Variants in STIM1 observed in about 807,000 individuals in gnomAD.
The protein encoded by STIM1 is stromal interaction molecule 1.
In STIM1, 25 loss-of-function variants were observed where a neutral mutation model predicts 74.7. The observed-to-expected ratio is 0.33, with a 90% CI of 0.24 to 0.47. The LOEUF is 0.47. Among genes scored for constraint, STIM1 ranks in the 20% least tolerant of loss-of-function variants. The probability of loss-of-function intolerance (pLI) is 1.00; values close to 1 mark genes in which losing one functional copy is unlikely to be tolerated. For synonymous variants in STIM1, 328 were observed against 348.8 expected (o/e 0.94, Z 0.66); for missense variants, 728 against 920.8 (o/e 0.79, Z 2.71).
intron 2 of STIM1, chr11:3,972,998 C>A: frequency 2.0e-6 from 1 of 507,988 alleles, no homozygotes; most frequent in South Asian, 1.4e-5. Context: ...TCACTGCCAC[C>A]AACAAAGCTG....
intron 1 of STIM1, chr11:3,921,889 A>G (rs551150775): frequency 1.3e-5 from 2 of 152,282 alleles, no homozygotes; most frequent in South Asian, 2.1e-4. Context: ...CCTGACAACA[A>G]TCAGCATGGA....
chr11:3,885,978 C>T (rs1362453497), intron 1 of STIM1, among the ~76,000 whole-genome samples: 1 of 152,168 alleles, frequency 6.6e-6, no homozygotes, highest in South Asian at 2.1e-4. Flanking sequence ...TGATCGTAGG[C>T]AAGGGCCCAT....
intron 1 of STIM1, among the ~76,000 whole-genome samples, chr11:3,933,146 A>G (rs923666230): frequency 6.6e-6 from 1 of 152,334 alleles, no homozygotes; most frequent in East Asian, 1.9e-4. Context: ...TACTGCTTAT[A>G]GACAAAAGTC....
chr11:3,922,579 TC>T (rs2092730765), intron 1 of STIM1: 1 of 153,658 alleles, frequency 6.5e-6, no homozygotes, highest in African/African-American at 2.4e-5. Flanking sequence ...CCTCCTGGGA[TC>T]CCATCTGGAA....
At chr11:3,874,075 G>T in intron 1 of STIM1, among the ~76,000 whole-genome samples, 1 of 152,150 alleles carries the variant, frequency 6.6e-6, no homozygotes, top group Non-Finnish European at 1.5e-5. Flanking sequence ...CTGGGGAGCT[G>T]AGGAGTGGGT....
intron 5 of STIM1, among the ~76,000 whole-genome samples, chr11:4,068,391 G>A (rs566116452): frequency 2.6e-5 from 4 of 152,284 alleles, no homozygotes; most frequent in African/African-American, 9.6e-5. Context: ...AGAATATAAA[G>A]GGGATATTGA....
intron 1 of STIM1, among the ~76,000 whole-genome samples, chr11:3,913,668 T>G (rs2092599486): frequency 6.6e-6 from 1 of 152,204 alleles, no homozygotes; most frequent in Non-Finnish European, 1.5e-5. Context: ...CATTAACCAT[T>G]TCGAATTAAA....
rs1164753269 is a variant in STIM1, at chr11:4,082,365, T to G, written c.1137+14T>G. ...GCCAAGGAGGGGGTGAGAACAGCCC[T>G]TCTATTGTCCTCTTTTCTCCTTTTT... On this transcript the variant is annotated intron_variant, in intron 8 of 12. Transcript: ENST00000526596. 2 of 1,602,842 alleles carry G rather than the reference T, an allele frequency of 1.2e-6. No individual in the cohort carries two copies. Among genetic ancestry groups the G allele is most frequent in the Non-Finnish European group, 1.7e-6 (2 of 1,174,968 alleles).
intron 4 of STIM1, among the ~76,000 whole-genome samples, 162 bp from the exon 5 acceptor site, chr11:4,059,119 A>G (rs2094312264): frequency 6.6e-6 from 1 of 152,180 alleles, no homozygotes; most frequent in African/African-American, 2.4e-5. Context: ...GTCTCTCCAT[A>G]TACCCTGTTG....
At chr11:4,000,503 C>G (rs945445397) in intron 2 of STIM1, among the ~76,000 whole-genome samples, 11 of 152,004 alleles carry the variant, frequency 7.2e-5, no homozygotes, top group African/African-American at 2.7e-4. Flanking sequence ...TAGCAAACTC[C>G]AACAGACCTG....
intron 1 of STIM1, among the ~76,000 whole-genome samples, chr11:3,917,200 T>C (rs2092657282): frequency 6.6e-6 from 1 of 152,100 alleles, no homozygotes; most frequent in Admixed American, 6.6e-5. Flanking sequence ...AAGGCACAGC[T>C]GGCAGGGGTG....
intron 2 of STIM1, among the ~76,000 whole-genome samples, chr11:4,013,968 A>T (rs2093869320): frequency 6.6e-6 from 1 of 151,890 alleles, no homozygotes; most frequent in Non-Finnish European, 1.5e-5. Flanking sequence ...TGGTTTCCCA[A>T]AGTGCTGGGA....
intron 1 of STIM1, among the ~76,000 whole-genome samples, chr11:3,919,050 C>T (rs543085653): frequency 6.6e-6 from 1 of 152,170 alleles, no homozygotes; most frequent in East Asian, 1.9e-4. Context: ...TAAATATTTG[C>T]TTGAGGTGGG....
intron 6 of STIM1, among the ~76,000 whole-genome samples, 177 bp downstream of exon 6, chr11:4,070,380 G>T (rs2094396206): frequency 6.6e-6 from 1 of 152,216 alleles, no homozygotes; most frequent in African/African-American, 2.4e-5. Context: ...TTGCTATTGG[G>T]CAGTTATTCC....
intron 10 of STIM1, among the ~76,000 whole-genome samples, chr11:4,083,881 C>T (rs1042552823): frequency 3.8e-4 from 58 of 152,052 alleles, no homozygotes; most frequent in African/African-American, 1.3e-3. Context: ...GTTCCTTATT[C>T]TTATTGCTAA....
chr11:4,044,600 A>G (rs1018326669), intron 3 of STIM1, among the ~76,000 whole-genome samples: 2 of 152,212 alleles, frequency 1.3e-5, no homozygotes, highest in African/African-American at 4.8e-5. Context: ...CATGCTGCCA[A>G]ACCCTACCTA....
intron 1 of STIM1, among the ~76,000 whole-genome samples, chr11:3,932,282 G>T (rs796792023): frequency 1.6e-4 from 25 of 152,302 alleles, no homozygotes; most frequent in African/African-American, 5.8e-4. Flanking sequence ...AGTTAACAGG[G>T]TTTGGTACAA....
intron 3 of STIM1, among the ~76,000 whole-genome samples, chr11:4,028,746 A>C (rs1262322504): frequency 6.6e-6 from 1 of 152,074 alleles, no homozygotes; most frequent in Non-Finnish European, 1.5e-5. Context: ...CCTCGTTTTT[A>C]TGAATCAAGA....
intron 1 of STIM1, chr11:3,892,761 C>G: frequency 6.2e-7 from 1 of 1,613,274 alleles, no homozygotes; most frequent in Non-Finnish European, 8.5e-7. Flanking sequence ...AATCCTTTCT[C>G]TCCAGTGCTC....
Sources: gnomAD v4.1 joint callset for allele counts (sites outside exome capture counted in the v4.1 genomes callset) on GRCh38, gnomAD v4.1.1 for gene constraint, MANE v1.5 for transcripts, NCBI Gene and HGNC (gene_info 2026-07-23, HGNC 2026-07-21) for gene names.